The following ABCC1 variants were observed in gnomAD, a reference collection of about 807,000 sequenced individuals.
ABCC1 encodes multidrug resistance-associated protein 1.
A neutral mutation model predicts 172.9 loss-of-function variants in ABCC1; 83 were observed. The ratio of observed to expected loss-of-function variants is 0.48; its 90% confidence interval spans 0.40 to 0.58. The LOEUF (loss-of-function observed/expected upper bound fraction) is 0.58. Ranked by LOEUF, ABCC1 falls within the 20% of genes least tolerant of loss-of-function variation. The pLI is 0.00. For missense variants in ABCC1, 1,817 were observed against 2,002.7 expected, an observed-to-expected ratio of 0.91 and a Z score of 1.77; for synonymous variants, 937 against 825.2, an observed-to-expected ratio of 1.14 and a Z score of -2.32.
chr16:16,020,126 T>G (rs972209124), intron 5 of ABCC1, among the ~76,000 whole-genome samples: 35 of 152,308 alleles, frequency 2.3e-4, no homozygotes, highest in African/African-American at 6.5e-4. Context: ...TTCACCGTGT[T>G]GGCCAGGATG....
chr16:16,135,258 A>G (rs1043202865), intron 28 of ABCC1, among the ~76,000 whole-genome samples: 2 of 152,074 alleles, frequency 1.3e-5, no homozygotes, highest in South Asian at 2.1e-4. Context: ...TATGGATCTC[A>G]TCACCCAACT....
chr16:16,089,679 G>T (rs1371313617), intron 18 of ABCC1, among the ~76,000 whole-genome samples: 1 of 152,128 alleles, frequency 6.6e-6, no homozygotes, highest in Non-Finnish European at 1.5e-5. Context: ...AGACCAGCCT[G>T]GGCAACATGG....
chr16:16,067,826 A>T, intron 12 of ABCC1, among the ~76,000 whole-genome samples: 1 of 152,056 alleles, frequency 6.6e-6, no homozygotes, highest in East Asian at 1.9e-4. Context: ...GGCAGAGGAA[A>T]CGTCAGGGGC....
chr16:16,121,212 A>T (rs934650887), intron 23 of ABCC1, among the ~76,000 whole-genome samples: 1 of 152,060 alleles, frequency 6.6e-6, no homozygotes. Context: ...TTTCTTAATA[A>T]TATTTTATTT....
At chr16:15,952,922 C>T (rs1041039676) in intron 1 of ABCC1, among the ~76,000 whole-genome samples, 21 of 150,096 alleles carry the variant, frequency 1.4e-4, no homozygotes, top group African/African-American at 5.1e-4. Context: ...CACCTGTGGT[C>T]CCGGCTACTA....
At chr16:16,107,213 T>G (rs550115777) in intron 21 of ABCC1, among the ~76,000 whole-genome samples, 1 of 152,242 alleles carries the variant, frequency 6.6e-6, no homozygotes, top group Non-Finnish European at 1.5e-5. Flanking sequence ...CAACGTGGGG[T>G]TCAGTTGTGC....
chr16:16,057,180 TAA>T (rs34088403), intron 12 of ABCC1, among the ~76,000 whole-genome samples: 12 of 96,908 alleles, frequency 1.2e-4, no homozygotes, highest in East Asian at 2.9e-4. Context: ...TGTTACTGCT[TAA>T]AAAAAAAAAA....
At chr16:16,070,898 C>T (rs1242342594) in intron 13 of ABCC1, among the ~76,000 whole-genome samples, 1 of 152,140 alleles carries the variant, frequency 6.6e-6, no homozygotes, top group African/African-American at 2.4e-5. Flanking sequence ...GTAATACCAT[C>T]ATCATGTCTA....
At chr16:15,979,321 A>G (rs1224949184) in intron 1 of ABCC1, among the ~76,000 whole-genome samples, 1 of 151,794 alleles carries the variant, frequency 6.6e-6, no homozygotes, top group South Asian at 2.1e-4. Context: ...AAAAAAAAAC[A>G]AAATTTTTTT....
At chr16:16,099,701 C>G (rs564928511) in intron 19 of ABCC1, among the ~76,000 whole-genome samples, 1 of 152,298 alleles carries the variant, frequency 6.6e-6, no homozygotes, top group South Asian at 2.1e-4. Flanking sequence ...CGACCTCAGA[C>G]AGTGCCCACC....
chr16:16,024,982 TAGTG>T (rs2048323879), intron 5 of ABCC1, among the ~76,000 whole-genome samples: 1 of 151,930 alleles, frequency 6.6e-6, no homozygotes, highest in African/African-American at 2.4e-5. Context: ...CTGGTCAACA[TAGTG>T]AGACCCCATC....
chr16:15,992,899 C>T (rs1460679371), intron 1 of ABCC1, among the ~76,000 whole-genome samples: 3 of 152,112 alleles, frequency 2.0e-5, no homozygotes, highest in African/African-American at 4.8e-5. Flanking sequence ...CCTCCCCCCA[C>T]CCCACCCCAC....
intron 5 of ABCC1, among the ~76,000 whole-genome samples, chr16:16,023,382 G>A (rs1052951156): frequency 6.6e-6 from 1 of 152,098 alleles, no homozygotes; most frequent in African/African-American, 2.4e-5. Flanking sequence ...ATGAATCTTG[G>A]TAAAGGAATA....
In ABCC1 at chr16:16,033,099, T is replaced by C; in HGVS notation, c.616-10T>C. On this transcript the variant is annotated splice_polypyrimidine_tract_variant and intron_variant, in intron 5 of 30. Coordinates refer to ENST00000399410, the MANE Select transcript of ABCC1 (RefSeq NM_004996.4). The stretch of plus-strand genomic sequence containing the variant: ...CTCTTCCTCCCAAACCTGTGCTTTC[T>C]TTCCACTAGAATCCCTGCCCAGAGT... The C allele has an allele frequency of 6.2e-7, 1 of 1,613,946 alleles. No individual in the cohort carries two copies. The highest frequency in any genetic ancestry group is 8.5e-7 in the Non-Finnish European group (1 of 1,179,830).
chr16:16,115,692 C>G (rs2044829718), intron 23 of ABCC1, among the ~76,000 whole-genome samples: 1 of 151,980 alleles, frequency 6.6e-6, no homozygotes, highest in Non-Finnish European at 1.5e-5. Flanking sequence ...AAGCCTCCTG[C>G]AGGAGGCAGG....
At chr16:16,004,634 A>G (rs1055669221) in intron 1 of ABCC1, among the ~76,000 whole-genome samples, 1 of 145,598 alleles carries the variant, frequency 6.9e-6, no homozygotes, top group Non-Finnish European at 1.5e-5. Flanking sequence ...ATCTCTTTGT[A>G]TGTGTTGGCC....
chr16:16,078,031 G>A (rs1398360747), intron 15 of ABCC1, among the ~76,000 whole-genome samples: 2 of 152,130 alleles, frequency 1.3e-5, no homozygotes, highest in East Asian at 1.9e-4. Context: ...GGTGGCGCTC[G>A]CCTGTAATCC....
At chr16:16,136,414 C>G (rs1407239305) in intron 28 of ABCC1, 64 bp from the exon 29 acceptor site, 1 of 1,567,896 alleles carries the variant, frequency 6.4e-7, no homozygotes, top group East Asian at 2.3e-5. Context: ...GTCCTTAGGT[C>G]GCCTCCATCC....
chr16:16,118,310 C>A (rs928877833), intron 23 of ABCC1, among the ~76,000 whole-genome samples: 1 of 152,086 alleles, frequency 6.6e-6, no homozygotes, highest in Admixed American at 6.6e-5. Context: ...TCATGTGGCC[C>A]CTGCGCCCCA....
Sources: gnomAD v4.1 joint callset for allele counts (sites outside exome capture counted in the v4.1 genomes callset) on GRCh38, gnomAD v4.1.1 for gene constraint, MANE v1.5 for transcripts, NCBI Gene and HGNC (gene_info 2026-07-23, HGNC 2026-07-21) for gene names.